The following TNC variants were observed in gnomAD, a reference collection of about 807,000 sequenced individuals.
TNC encodes the protein tenascin.
A neutral mutation model predicts 202.4 loss-of-function variants in TNC; 109 were observed. That is an observed-to-expected ratio of 0.54 (90% CI 0.46 to 0.63). The LOEUF is 0.63. Ranked by LOEUF, TNC falls within the 30% of genes least tolerant of loss-of-function variation. The pLI, the probability that TNC is intolerant of heterozygous loss-of-function variation, is 0.00. For synonymous variants in TNC, 1,007 were observed against 1,089.7 expected, an observed-to-expected ratio of 0.92 and a Z score of 1.50; for missense variants, 2,756 against 2,833.3, an observed-to-expected ratio of 0.97 and a Z score of 0.62.
intron 15 of TNC, chr9:115,053,147 G>A (rs78266344): frequency 0.021 from 13,001 of 607,874 alleles, 200 homozygotes; most frequent in South Asian, 0.029. Context: ...CAGTATGTTA[G>A]GCTGTGTCTA....
chr9:115,038,273 T>A lies in TNC; in HGVS notation c.5500A>T (p.Thr1834Ser). 1 of 1,613,946 alleles carries A rather than the reference T, an allele frequency of 6.2e-7. No homozygotes were observed. Among genetic ancestry groups the A allele is most frequent in the African/African-American group, 1.3e-5 (1 of 75,030 alleles). ...ATVDSYVISYTGEKVPEITRT... is the reference protein window; with the variant it reads ...ATVDSYVISYSGEKVPEITRT... Reference sequence around the variant, plus strand: ...GACAAAACCTTACCTTTCTCGCCTGTGTAGGAGATGACATAACTGTCCACA... The same window carrying A: ...GACAAAACCTTACCTTTCTCGCCTGAGTAGGAGATGACATAACTGTCCACA... Residue 1834 changes from threonine (T) to serine (S), a missense_variant, in exon 20 of 28, where the codon ACA becomes TCA. Around this residue, in one of 2 missense-constraint regions of TNC, gnomAD observed 2,559 missense variants for 2,546.0 expected, o/e 1.01. Coordinates refer to ENST00000350763, the MANE Select transcript of TNC (RefSeq NM_002160.4).
At chr9:115,049,328 G>A (rs1476274753) in intron 15 of TNC, among the ~76,000 whole-genome samples, 1 of 152,092 alleles carries the variant, frequency 6.6e-6, no homozygotes, top group Non-Finnish European at 1.5e-5. Context: ...TGTTGGCTAA[G>A]TTTCCATTGA....
chr9:115,084,569 G>T, intron 3 of TNC, 97 bp from the exon 4 acceptor site: 1 of 1,417,416 alleles, frequency 7.1e-7, no homozygotes. Flanking sequence ...CAGCCACAGA[G>T]GTCTGAAGAT....
intron 6 of TNC, among the ~76,000 whole-genome samples, chr9:115,080,685 T>C (rs1038514248): frequency 6.6e-6 from 1 of 151,980 alleles, no homozygotes; most frequent in Admixed American, 6.5e-5. Context: ...CCGAGGCGGG[T>C]GGATCACTTG....
chr9:115,087,383 G>T, intron 2 of TNC, 110 bp from the exon 3 acceptor site: 1 of 1,039,366 alleles, frequency 9.6e-7, no homozygotes, highest in Non-Finnish European at 1.4e-6. Flanking sequence ...TGCACCCTCA[G>T]GCTCCATCTG....
intron 6 of TNC, among the ~76,000 whole-genome samples, chr9:115,081,309 C>T (rs898129050): frequency 1.3e-5 from 2 of 152,126 alleles, no homozygotes; most frequent in African/African-American, 2.4e-5. Flanking sequence ...TAGTCACACC[C>T]CTTTGAAAGG....
At chr9:115,112,916 C>T (rs1391714140) in intron 1 of TNC, among the ~76,000 whole-genome samples, 1 of 152,162 alleles carries the variant, frequency 6.6e-6, no homozygotes, top group Non-Finnish European at 1.5e-5. Flanking sequence ...GCAGGGCACT[C>T]ATGGCTTCCC....
In TNC at chr9:115,086,022, T is replaced by C; in HGVS notation, c.1709A>G (p.Gln570Arg). ...GCACTGGCCGTCCACGCAGCGGCCCTGGCCATGACAGTCACTGGGACATCT... is the reference window on the plus strand; with the variant it reads ...GCACTGGCCGTCCACGCAGCGGCCCCGGCCATGACAGTCACTGGGACATCT... ...EQRCPSDCHGQGRCVDGQCIC... is the reference protein window; with the variant it reads ...EQRCPSDCHGRGRCVDGQCIC... The change falls in exon 3 of 28, where the codon CAG becomes CGG. Residue 570 changes from glutamine to arginine, a missense_variant. This residue lies in a region of TNC where 2,559 missense variants were observed against 2,546.0 expected (regional missense o/e 1.01). Transcript: ENST00000350763. 1 of 1,614,010 alleles carries C rather than the reference T, an allele frequency of 6.2e-7. No homozygotes were observed.
chr9:115,078,335 ACTTTGC>A, intron 6 of TNC, 123 bp from the exon 7 acceptor site: 1 of 1,182,942 alleles, frequency 8.5e-7, no homozygotes, highest in Non-Finnish European at 1.1e-6. Flanking sequence ...GCTTGACTTT[ACTTTGC>A]CTTTCTGAAC....
chr9:115,084,269 G>C lies in TNC; in HGVS notation c.2071C>G (p.Arg691Gly). 18 of 1,614,100 alleles carry C rather than the reference G, an allele frequency of 1.1e-5. No individual in the cohort carries two copies. The highest frequency in any genetic ancestry group is 1.5e-5 in the Non-Finnish European group (18 of 1,180,010). ...TTGTTCTCCAGGATGGCAAATACAC[G>C]GATAAAGTACTCCACACCAGGCTCC... is the stretch of plus-strand genomic sequence containing the variant. ...ELEPGVEYFIRVFAILENKKS... is the reference protein window; with the variant it reads ...ELEPGVEYFIGVFAILENKKS... The change falls in exon 4 of 28, where the codon CGT becomes GGT. Residue 691 changes from arginine to glycine, a missense_variant. Around this residue, in one of 2 missense-constraint regions of TNC, gnomAD observed 2,559 missense variants for 2,546.0 expected, o/e 1.01. Coordinates refer to ENST00000350763, the MANE Select transcript of TNC (RefSeq NM_002160.4).
At position 115,057,210 on chromosome 9, in the gene TNC, G is replaced by A; in HGVS notation, c.4522C>T (p.Leu1508Phe). The change falls in exon 15 of 28, where the codon CTC becomes TTC. Residue 1508 changes from leucine (L) to phenylalanine (F), a missense_variant. By Grantham distance (22) the Leu-to-Phe change is conservative. Coordinates refer to ENST00000350763, the MANE Select transcript of TNC (RefSeq NM_002160.4). ...LPPSTDFIVYLSGLAPSIRTK... is the reference protein window; with the variant it reads ...LPPSTDFIVYFSGLAPSIRTK... ...CGGATGCTGGGAGCAAGTCCAGAGA[G>A]GTAGACAATAAAATCAGTACTAGGG... 6.2e-7 allele frequency: 1 copy of A among 1,614,102 alleles called. No homozygotes were observed. Among genetic ancestry groups the A allele is most frequent in the Non-Finnish European group, 8.5e-7 (1 of 1,179,996 alleles).
chr9:115,077,031 G>A (rs1403865098), intron 7 of TNC, among the ~76,000 whole-genome samples: 1 of 151,686 alleles, frequency 6.6e-6, no homozygotes, highest in African/African-American at 2.4e-5. Flanking sequence ...CCGAGTACCT[G>A]GGATTGCAGG....
chr9:115,020,942 C>T lies in TNC; in HGVS notation c.*215G>A. 1 of 518,334 alleles carries T rather than the reference C, an allele frequency of 1.9e-6. No individual in the cohort carries two copies. Among genetic ancestry groups the T allele is most frequent in the Non-Finnish European group, 3.4e-6 (1 of 294,318 alleles). 32.1% of individuals were successfully genotyped at this position (518,334 alleles called of 1,614,324 possible). On this transcript the variant is annotated 3_prime_UTR_variant, in exon 28 of 28. Coordinates refer to ENST00000350763, the MANE Select transcript of TNC (RefSeq NM_002160.4). ...GCTGAATCAAACAACAAAACAGAAA[C>T]ATGTTGGAGACTGATGTCTTTGGTG...
intron 15 of TNC, among the ~76,000 whole-genome samples, chr9:115,055,149 T>C (rs989368387): frequency 7.9e-5 from 12 of 152,098 alleles, no homozygotes; most frequent in African/African-American, 2.9e-4. Context: ...AGGCAGATGA[T>C]AATGGGTGGG....
intron 14 of TNC, 36 bp downstream of exon 14, chr9:115,059,694 C>T: frequency 6.5e-7 from 1 of 1,540,718 alleles, no homozygotes; most frequent in East Asian, 2.3e-5. Flanking sequence ...AAGCAAAGAA[C>T]CTTGGGGAGA....
chr9:115,079,458 T>C (rs1834132615), intron 6 of TNC, among the ~76,000 whole-genome samples: 1 of 152,214 alleles, frequency 6.6e-6, no homozygotes, highest in South Asian at 2.1e-4. Context: ...CTGCCTGCTC[T>C]GTGTTCTTAT....
Position 115,035,194 on chromosome 9 carries a change from C to T in TNC, c.5787+10G>A, listed in dbSNP as rs781633023. ...ACTAGCATTGAGGAGTTGTTATATA[C>T]TTAAAATACCTTGACTGTGCCATCC... On this transcript the variant is annotated intron_variant, in intron 22 of 27. Transcript: ENST00000350763. 3 of 1,603,680 alleles carry T rather than the reference C, an allele frequency of 1.9e-6. No homozygotes were observed. The highest frequency in any genetic ancestry group is 2.2e-5 in the South Asian group (2 of 89,356).
intron 3 of TNC, 137 bp downstream of exon 3, chr9:115,085,727 T>C (rs1341342769): frequency 1.1e-6 from 1 of 897,962 alleles, no homozygotes; most frequent in Non-Finnish European, 1.7e-6. Context: ...TATGGGTGTG[T>C]GTTTAAATGG....
In TNC at chr9:115,062,950, T is replaced by C; in HGVS notation, c.4000A>G (p.Ser1334Gly). 6.2e-7 allele frequency: 1 copy of C among 1,614,004 alleles called. No individual in the cohort carries two copies. Among genetic ancestry groups the C allele is most frequent in the Non-Finnish European group, 8.5e-7 (1 of 1,179,968 alleles). Residue 1334 changes from serine (S) to glycine (G), a missense_variant, in exon 13 of 28, where the codon AGC (serine) becomes GGC (glycine). Physicochemically the swap from Ser to Gly is moderately conservative, Grantham distance 56. Around this residue, in one of 2 missense-constraint regions of TNC, gnomAD observed 2,559 missense variants for 2,546.0 expected, o/e 1.01. Transcript: ENST00000350763. The stretch of plus-strand genomic sequence containing the variant: ...ACCTCTACAGCAAGGGGTCGAGTGC[T>C]GTGGCCCCTGACCTCGCCGTGCAGG... ...VTLHGEVRGH[S>G]TRPLAVEVVT...
Sources: gnomAD v4.1 joint callset for allele counts (sites outside exome capture counted in the v4.1 genomes callset) on GRCh38, gnomAD v4.1.1 for gene constraint, gnomAD v4.1.1 regional missense constraint, MANE v1.5 for transcripts, NCBI Gene and HGNC (gene_info 2026-07-23, HGNC 2026-07-21) for gene names.